Variants in PPM1B observed in about 807,000 individuals in gnomAD.
The protein encoded by PPM1B is protein phosphatase, Mg2+/Mn2+ dependent 1B, also known as protein phosphatase 1B.
PPM1B carries 22 observed loss-of-function variants against 43.0 expected under a neutral mutation model. The ratio of observed to expected loss-of-function variants is 0.51; its 90% CI spans 0.37 to 0.73. PPM1B has a LOEUF of 0.73. Among genes scored for constraint, PPM1B ranks in the 30% least tolerant of loss-of-function variants. PPM1B has a pLI of 0.00. For synonymous variants in PPM1B, 217 were observed against 197.9 expected (o/e 1.10, Z -0.81); for missense variants, 632 against 584.2 (o/e 1.08, Z -0.84).
At chr2:44,177,275 A>C (rs749882254) in intron 1 of PPM1B, among the ~76,000 whole-genome samples, 1 of 152,164 alleles carries the variant, frequency 6.6e-6, no homozygotes, top group Non-Finnish European at 1.5e-5. Context: ...TAAAAAAATT[A>C]TCTCTTGTAA....
At chr2:44,179,807 A>G (rs1667775912) in intron 1 of PPM1B, among the ~76,000 whole-genome samples, 2 of 152,040 alleles carry the variant, frequency 1.3e-5, no homozygotes, top group Non-Finnish European at 2.9e-5. Flanking sequence ...TCAGAAGTTC[A>G]AGACCAGCCT....
chr2:44,231,466 T>G lies in PPM1B; in HGVS notation c.*748T>G. 1.0e-6 allele frequency: 1 copy of G among 971,026 alleles called. No homozygotes were observed. The highest frequency in any genetic ancestry group is 1.2e-6 in the Non-Finnish European group (1 of 816,750). 60.2% of individuals were successfully genotyped at this position (971,026 alleles called of 1,614,324 possible). A position where few individuals can be genotyped will look rare whatever the true frequency, so the allele number is the denominator to read the frequency against. On this transcript the variant is annotated 3_prime_UTR_variant, in exon 6 of 6. Coordinates refer to ENST00000282412, the MANE Select transcript of PPM1B (RefSeq NM_002706.6). Reference sequence around the variant, plus strand: ...TCCAAATAAAGCATGTGATGTGGAATAATCTATGCATGTTGTACTTATTTT... The same window carrying G: ...TCCAAATAAAGCATGTGATGTGGAAGAATCTATGCATGTTGTACTTATTTT...
intron 1 of PPM1B, among the ~76,000 whole-genome samples, chr2:44,199,396 G>A (rs1348175280): frequency 6.6e-6 from 1 of 151,838 alleles, no homozygotes; most frequent in African/African-American, 2.4e-5. Flanking sequence ...GGCTGAAGCA[G>A]GAGAATGGCT....
At chr2:44,196,999 C>G (rs1273133784) in intron 1 of PPM1B, among the ~76,000 whole-genome samples, 1 of 152,136 alleles carries the variant, frequency 6.6e-6, no homozygotes, top group Admixed American at 6.6e-5. Context: ...TGAGGCTTAC[C>G]TTTTAGTTTT....
At chr2:44,193,468 A>G (rs1462000287) in intron 1 of PPM1B, among the ~76,000 whole-genome samples, 5 of 151,738 alleles carry the variant, frequency 3.3e-5, no homozygotes, top group Non-Finnish European at 7.4e-5. Context: ...GTGGCCCATC[A>G]CTACAGTCTT....
intron 3 of PPM1B, among the ~76,000 whole-genome samples, chr2:44,210,128 G>A (rs1371440356): frequency 6.6e-6 from 1 of 151,780 alleles, no homozygotes; most frequent in East Asian, 1.9e-4. Context: ...AATTCATTAC[G>A]GTATCCTTTC....
At chr2:44,234,716 C>A, downstream of PPM1B, 2 of 609,474 alleles carry the variant, frequency 3.3e-6, no homozygotes, top group Non-Finnish European at 4.1e-6. Flanking sequence ...ATTGTATACT[C>A]CAGTGAACTT....
chr2:44,228,582 G>C (rs958751881), intron 5 of PPM1B, among the ~76,000 whole-genome samples: 1 of 152,158 alleles, frequency 6.6e-6, no homozygotes, highest in African/African-American at 2.4e-5. Context: ...AAAAGTATAT[G>C]TAATAGTCTC....
chr2:44,239,044 G>A (rs966796817), downstream of PPM1B, among the ~76,000 whole-genome samples: 2 of 151,852 alleles, frequency 1.3e-5, no homozygotes, highest in Admixed American at 6.6e-5. Context: ...ACGTGGTGGC[G>A]TGTACCTGTA....
At chr2:44,224,209 A>T (rs1281867317) in intron 5 of PPM1B, among the ~76,000 whole-genome samples, 1 of 152,156 alleles carries the variant, frequency 6.6e-6, no homozygotes, top group Non-Finnish European at 1.5e-5. Flanking sequence ...TAATCCCAAC[A>T]CTTTGGGAGG....
At chr2:44,211,151 A>C (rs914477145) in intron 3 of PPM1B, among the ~76,000 whole-genome samples, 1 of 152,212 alleles carries the variant, frequency 6.6e-6, no homozygotes, top group African/African-American at 2.4e-5. Context: ...AAAAAAATTA[A>C]GAAATTAACG....
At chr2:44,199,135 G>A (rs1401808236) in intron 1 of PPM1B, among the ~76,000 whole-genome samples, 1 of 151,890 alleles carries the variant, frequency 6.6e-6, no homozygotes, top group African/African-American at 2.4e-5. Context: ...GCGCGTGCCT[G>A]TAACCCCAGC....
intron 3 of PPM1B, among the ~76,000 whole-genome samples, chr2:44,215,510 C>T (rs1186639353): frequency 6.6e-6 from 1 of 151,688 alleles, no homozygotes; most frequent in Non-Finnish European, 1.5e-5. Flanking sequence ...TCTTCAGGAG[C>T]ATTATGTTTC....
At position 44,169,084 on chromosome 2, in the gene PPM1B, G is replaced by A. The variant is rs1421195974; in HGVS notation, c.-205G>A. The A allele has an allele frequency of 5.4e-6, 1 of 185,492 alleles. No individual in the cohort carries two copies. The highest frequency in any genetic ancestry group is 8.1e-5 in the South Asian group (1 of 12,416). 11.5% of individuals were successfully genotyped at this position (185,492 alleles called of 1,614,324 possible). A position where few individuals can be genotyped will look rare whatever the true frequency, so the allele number is the denominator to read the frequency against. On this transcript the variant is annotated 5_prime_UTR_variant, in exon 1 of 6. Coordinates refer to ENST00000282412, the MANE Select transcript of PPM1B (RefSeq NM_002706.6). ...GAATCGGCAACGGCGCTAGGGTGGA[G>A]AGAAGGCGGCATCGGCGGCGGCGGC...
intron 5 of PPM1B, among the ~76,000 whole-genome samples, chr2:44,227,922 CTTTT>C (rs59259343): frequency 2.8e-5 from 3 of 106,776 alleles, no homozygotes; most frequent in Admixed American, 1.2e-4. Context: ...TTTTTCTTTT[CTTTT>C]TTTTTTTTTT....
At chr2:44,171,646 A>G (rs979775308) in intron 1 of PPM1B, among the ~76,000 whole-genome samples, 1 of 151,738 alleles carries the variant, frequency 6.6e-6, no homozygotes, top group Non-Finnish European at 1.5e-5. Context: ...CCTGGCCAAC[A>G]TGGTGAAACA....
intron 1 of PPM1B, among the ~76,000 whole-genome samples, chr2:44,188,054 C>G (rs1412235850): frequency 7.9e-5 from 12 of 152,040 alleles, no homozygotes; most frequent in Admixed American, 7.9e-4. Context: ...CCAGCCTTCA[C>G]CTTTAAATTT....
chr2:44,209,178 A>T (rs1669332249), intron 2 of PPM1B, 32 bp from the exon 3 acceptor site: 2 of 1,508,168 alleles, frequency 1.3e-6, no homozygotes, highest in African/African-American at 2.8e-5. Context: ...GTAGAAATAC[A>T]ATTTTTTTTC....
At chr2:44,237,490 C>T (rs4953074), downstream of PPM1B, among the ~76,000 whole-genome samples, 111,643 of 152,056 alleles carry the variant, frequency 0.73, 41,820 homozygotes, top group South Asian at 0.9. Context: ...ATGTAACTGG[C>T]AGATATGCTC....
Sources: gnomAD v4.1 joint callset for allele counts (sites outside exome capture counted in the v4.1 genomes callset) on GRCh38, gnomAD v4.1.1 for gene constraint, MANE v1.5 for transcripts, NCBI Gene and HGNC (gene_info 2026-07-23, HGNC 2026-07-21) for gene names.